The following PLPPR5 variants were observed in gnomAD, a reference collection of about 807,000 sequenced individuals.
The protein encoded by PLPPR5 is phospholipid phosphatase-related protein type 5.
A neutral mutation model predicts 33.9 loss-of-function variants in PLPPR5; 16 were observed. The ratio of observed to expected loss-of-function variants is 0.47; its 90% CI spans 0.32 to 0.72. The LOEUF (loss-of-function observed/expected upper bound fraction) is 0.72. Ranked by LOEUF, PLPPR5 falls within the 30% of genes least tolerant of loss-of-function variation. The pLI, the probability that PLPPR5 is intolerant of heterozygous loss-of-function variation, is 0.03. For synonymous variants in PLPPR5, 163 were observed against 150.3 expected, an observed-to-expected ratio of 1.08 and a Z score of -0.62; for missense variants, 301 against 406.7, an observed-to-expected ratio of 0.74 and a Z score of 2.23.
chr1:98,957,169 C>T (rs953406844), intron 1 of PLPPR5, among the ~76,000 whole-genome samples: 2 of 141,206 alleles, frequency 1.4e-5, no homozygotes, highest in African/African-American at 5.4e-5. Flanking sequence ...GGGAACATCA[C>T]ACTCTGGGGA....
intron 1 of PLPPR5, among the ~76,000 whole-genome samples, chr1:98,960,103 T>C (rs1376700057): frequency 6.6e-6 from 1 of 152,048 alleles, no homozygotes; most frequent in East Asian, 1.9e-4. Flanking sequence ...CACTGTGATA[T>C]CCATGGAACC....
At chr1:98,905,844 A>G (rs1570684449) in intron 5 of PLPPR5, among the ~76,000 whole-genome samples, 1 of 152,216 alleles carries the variant, frequency 6.6e-6, no homozygotes, top group East Asian at 1.9e-4. Flanking sequence ...ATTCTTGCAT[A>G]GCTGATATTT....
intron 5 of PLPPR5, among the ~76,000 whole-genome samples, chr1:98,906,150 TAC>T (rs1228656490): frequency 1.3e-5 from 2 of 151,764 alleles, no homozygotes; most frequent in East Asian, 3.9e-4. Flanking sequence ...ACCTAGTATA[TAC>T]ACAGTGTGTG....
chr1:98,902,367 G>GAA (rs5776439), intron 5 of PLPPR5, among the ~76,000 whole-genome samples: 151,603 of 152,140 alleles, frequency 1, 75,535 homozygotes, highest in Middle Eastern at 1. Context: ...GTTATTTTAA[G>GAA]AATGTTTCCT....
chr1:98,937,488 T>C (rs1470421152), intron 3 of PLPPR5, among the ~76,000 whole-genome samples: 1 of 151,830 alleles, frequency 6.6e-6, no homozygotes, highest in East Asian at 1.9e-4. Context: ...CCTGGTTCAC[T>C]GGAACACTGG....
chr1:98,953,570 A>G (rs1351321827), intron 2 of PLPPR5, among the ~76,000 whole-genome samples: 1 of 152,112 alleles, frequency 6.6e-6, no homozygotes, highest in Non-Finnish European at 1.5e-5. Context: ...TGGCAGGTTT[A>G]TAAGACATAA....
intron 1 of PLPPR5, among the ~76,000 whole-genome samples, chr1:98,980,999 T>C (rs1241942699): frequency 6.6e-6 from 1 of 152,052 alleles, no homozygotes; most frequent in African/African-American, 2.4e-5. Flanking sequence ...CAGTATTAAT[T>C]TTTATTTCAA....
intron 1 of PLPPR5, among the ~76,000 whole-genome samples, chr1:98,964,443 C>T (rs367705996): frequency 2.0e-5 from 3 of 152,110 alleles, no homozygotes; most frequent in Non-Finnish European, 1.5e-5. Flanking sequence ...GGAGGTACTC[C>T]TCCCCCACCT....
At chr1:98,927,062 T>C (rs772353716) in intron 3 of PLPPR5, among the ~76,000 whole-genome samples, 1 of 152,170 alleles carries the variant, frequency 6.6e-6, no homozygotes, top group Non-Finnish European at 1.5e-5. Context: ...AGACCTGTGA[T>C]GGGGGCCAGG....
At chr1:98,917,978 C>T (rs1330346890) in intron 4 of PLPPR5, among the ~76,000 whole-genome samples, 1 of 152,168 alleles carries the variant, frequency 6.6e-6, no homozygotes, top group Non-Finnish European at 1.5e-5. Context: ...TGCTTTCAGA[C>T]GTTCTGGTTT....
chr1:98,986,935 A>C (rs1459579454), intron 1 of PLPPR5, among the ~76,000 whole-genome samples: 1 of 151,808 alleles, frequency 6.6e-6, no homozygotes, highest in African/African-American at 2.4e-5. Flanking sequence ...CTATGCTTCA[A>C]ATTTTCTTTA....
intron 1 of PLPPR5, among the ~76,000 whole-genome samples, chr1:98,988,814 T>C (rs6577289): frequency 0.095 from 14,475 of 152,218 alleles, 843 homozygotes; most frequent in East Asian, 0.25. Flanking sequence ...GGCAGGATCA[T>C]GCTATAGTTG....
intron 1 of PLPPR5, among the ~76,000 whole-genome samples, chr1:98,967,209 A>G (rs1651483677): frequency 6.6e-6 from 1 of 152,148 alleles, no homozygotes; most frequent in Non-Finnish European, 1.5e-5. Context: ...AAGTAAAAAC[A>G]AATCCAACAC....
intron 5 of PLPPR5, among the ~76,000 whole-genome samples, chr1:98,900,450 A>G (rs1224536947): frequency 6.6e-6 from 1 of 152,152 alleles, no homozygotes; most frequent in Non-Finnish European, 1.5e-5. Flanking sequence ...ATATGGTTAC[A>G]AAATTCTCTC....
intron 3 of PLPPR5, among the ~76,000 whole-genome samples, chr1:98,925,818 G>C (rs1259599669): frequency 6.6e-6 from 1 of 152,196 alleles, no homozygotes; most frequent in Non-Finnish European, 1.5e-5. Context: ...AGGCAAAAGG[G>C]AAATGGTGGG....
chr1:98,921,769 T>C, intron 4 of PLPPR5, 113 bp downstream of exon 4: 1 of 796,154 alleles, frequency 1.3e-6, no homozygotes, highest in Non-Finnish European at 2.0e-6. Flanking sequence ...AAATGAATGA[T>C]TTGTTTGATA....
intron 1 of PLPPR5, among the ~76,000 whole-genome samples, chr1:98,986,580 T>C (rs1652272208): frequency 6.6e-6 from 1 of 151,834 alleles, no homozygotes; most frequent in Non-Finnish European, 1.5e-5. Flanking sequence ...TGTTCCAAAG[T>C]AGAGTGGTTA....
At chr1:98,905,625 A>G (rs887944051) in intron 5 of PLPPR5, among the ~76,000 whole-genome samples, 1 of 152,008 alleles carries the variant, frequency 6.6e-6, no homozygotes, top group African/African-American at 2.4e-5. Context: ...TTCTTTTCTT[A>G]TATATCTTCT....
At chr1:98,998,939 G>T (rs1340851263) in intron 1 of PLPPR5, among the ~76,000 whole-genome samples, 1 of 152,156 alleles carries the variant, frequency 6.6e-6, no homozygotes, top group Non-Finnish European at 1.5e-5. Flanking sequence ...TAACACAGTG[G>T]CTGGTGTATA....
Sources: allele counts gnomAD v4.1 joint callset (sites outside exome capture counted in the v4.1 genomes callset), GRCh38; gene constraint gnomAD v4.1.1; transcripts MANE v1.5; gene names NCBI Gene and HGNC (gene_info 2026-07-23, HGNC 2026-07-21).